ABCA13: variants seen among roughly 807,000 people sequenced by gnomAD.
ABCA13 encodes ATP binding cassette subfamily A member 13, also known as ATP-binding cassette sub-family A member 13.
A neutral mutation model predicts 478.7 loss-of-function variants in ABCA13; 476 were observed. That is an observed-to-expected ratio of 0.99 (90% CI 0.92 to 1.07). ABCA13 has a LOEUF of 1.07. Ranked by LOEUF, ABCA13 falls within the 50% of genes least tolerant of loss-of-function variation. ABCA13 has a pLI of 0.00. For synonymous variants in ABCA13, 2,252 were observed against 2,158.9 expected, an observed-to-expected ratio of 1.04 and a Z score of -1.20; for missense variants, 6,060 against 5,910.6, an observed-to-expected ratio of 1.03 and a Z score of -0.83.
chr7:48,212,278 G>A (rs2128945916), intron 3 of ABCA13, among the ~76,000 whole-genome samples: 1 of 152,242 alleles, frequency 6.6e-6, no homozygotes, highest in East Asian at 1.9e-4. Flanking sequence ...CCTCCCTCAA[G>A]CACACAGAAT....
intron 58 of ABCA13, among the ~76,000 whole-genome samples, chr7:48,605,481 G>A (rs2131509071): frequency 6.6e-6 from 1 of 151,006 alleles, no homozygotes; most frequent in South Asian, 2.1e-4. Flanking sequence ...TGTCTGTAAA[G>A]GCTGGATATG....
intron 1 of ABCA13, among the ~76,000 whole-genome samples, chr7:48,187,755 GT>G (rs1796558765): frequency 6.6e-6 from 1 of 150,564 alleles, no homozygotes; most frequent in African/African-American, 2.4e-5. Context: ...TTACTTATTT[GT>G]TTATATCTTT....
chr7:48,428,132 C>T (rs1236107920), intron 42 of ABCA13, among the ~76,000 whole-genome samples: 1 of 151,910 alleles, frequency 6.6e-6, no homozygotes, highest in African/African-American at 2.4e-5. Flanking sequence ...AAAAATTTCT[C>T]AATGTATACA....
intron 43 of ABCA13, 80 bp downstream of exon 43, chr7:48,455,366 A>G: frequency 6.9e-7 from 1 of 1,457,538 alleles, no homozygotes; most frequent in South Asian, 1.4e-5. Flanking sequence ...ACTTTTGAGA[A>G]TTCTAGATAA....
At chr7:48,236,499 G>A (rs539646757) in intron 8 of ABCA13, among the ~76,000 whole-genome samples, 4 of 152,258 alleles carry the variant, frequency 2.6e-5, no homozygotes, top group African/African-American at 7.2e-5. Flanking sequence ...TTGGGGTGGC[G>A]TATTCTGTTT....
intron 8 of ABCA13, among the ~76,000 whole-genome samples, chr7:48,235,562 T>G (rs953080656): frequency 5.9e-5 from 9 of 152,232 alleles, no homozygotes; most frequent in African/African-American, 1.9e-4. Flanking sequence ...AACTGACATT[T>G]TCTTTTATCA....
intron 50 of ABCA13, among the ~76,000 whole-genome samples, chr7:48,508,449 G>T (rs1831403039): frequency 6.6e-6 from 1 of 152,166 alleles, no homozygotes. Flanking sequence ...TTGCCTAATA[G>T]GTATGGCGGG....
At chr7:48,215,267 C>T (rs1012341273) in intron 3 of ABCA13, among the ~76,000 whole-genome samples, 3 of 151,736 alleles carry the variant, frequency 2.0e-5, no homozygotes, top group Non-Finnish European at 4.4e-5. Flanking sequence ...ACAGGAAGGC[C>T]CGAGGAGAGG....
intron 15 of ABCA13, among the ~76,000 whole-genome samples, chr7:48,256,303 G>A (rs1011163403): frequency 6.6e-6 from 1 of 151,898 alleles, no homozygotes; most frequent in African/African-American, 2.4e-5. Flanking sequence ...TAGTTTACTT[G>A]GGTCCTATTT....
intron 58 of ABCA13, among the ~76,000 whole-genome samples, chr7:48,598,515 T>G (rs1404308408): frequency 6.6e-6 from 1 of 152,194 alleles, no homozygotes; most frequent in Admixed American, 6.5e-5. Flanking sequence ...ATTTGAATTG[T>G]TTTTTATCTA....
At chr7:48,417,560 A>AAAATTGAGCAGAATGCAC (rs1271662827) in intron 41 of ABCA13, among the ~76,000 whole-genome samples, 1 of 152,180 alleles carries the variant, frequency 6.6e-6, no homozygotes, top group East Asian at 1.9e-4. Flanking sequence ...GATTCTCAGC[A>AAAATTGAGCAGAATGCAC]AAATTGAGCA....
intron 37 of ABCA13, among the ~76,000 whole-genome samples, chr7:48,390,755 G>A (rs1163892750): frequency 1.3e-5 from 2 of 152,178 alleles, no homozygotes; most frequent in East Asian, 3.9e-4. Context: ...GCATGGTGGT[G>A]GTGGCCCAGC....
At chr7:48,184,730 G>A (rs1796137911) in intron 1 of ABCA13, among the ~76,000 whole-genome samples, 1 of 152,218 alleles carries the variant, frequency 6.6e-6, no homozygotes, top group Admixed American at 6.5e-5. Context: ...TGAGGCAGAA[G>A]AATTGCTTGA....
intron 58 of ABCA13, among the ~76,000 whole-genome samples, chr7:48,598,788 TC>T (rs1230004905): frequency 6.6e-6 from 1 of 152,074 alleles, no homozygotes; most frequent in Non-Finnish European, 1.5e-5. Flanking sequence ...TTTTCTTCTA[TC>T]TTTTTTTTCT....
At chr7:48,454,587 G>T (rs558745664) in intron 42 of ABCA13, among the ~76,000 whole-genome samples, 3 of 151,992 alleles carry the variant, frequency 2.0e-5, no homozygotes, top group Non-Finnish European at 4.4e-5. Flanking sequence ...CGGGAGGAGC[G>T]GGGGCGGGGT....
intron 23 of ABCA13, among the ~76,000 whole-genome samples, chr7:48,303,927 C>T (rs917746678): frequency 1.3e-5 from 2 of 152,058 alleles, no homozygotes; most frequent in African/African-American, 4.8e-5. Flanking sequence ...TTTGTTTGGG[C>T]TCTTAAATCA....
chr7:48,383,684 A>G (rs762333395), intron 35 of ABCA13, among the ~76,000 whole-genome samples: 1 of 152,198 alleles, frequency 6.6e-6, no homozygotes, highest in Non-Finnish European at 1.5e-5. Context: ...AAATGTTTGA[A>G]AAGTTTATAG....
At chr7:48,539,037 A>G (rs1025117081) in intron 55 of ABCA13, among the ~76,000 whole-genome samples, 5 of 152,188 alleles carry the variant, frequency 3.3e-5, no homozygotes, top group Non-Finnish European at 7.3e-5. Flanking sequence ...CGCAGGTTCA[A>G]TCCTTTGGCA....
intron 27 of ABCA13, among the ~76,000 whole-genome samples, chr7:48,335,026 A>G (rs1806028892): frequency 6.6e-6 from 1 of 152,226 alleles, no homozygotes; most frequent in Admixed American, 6.5e-5. Context: ...GAAAAAATAT[A>G]CCAATTTTAT....
Sources: allele counts gnomAD v4.1 joint callset (sites outside exome capture counted in the v4.1 genomes callset), GRCh38; gene constraint gnomAD v4.1.1; transcripts MANE v1.5; gene names NCBI Gene and HGNC (gene_info 2026-07-23, HGNC 2026-07-21).